Variants in PCLO observed in about 807,000 individuals in gnomAD.
The protein encoded by PCLO is protein piccolo.
PCLO carries 82 observed loss-of-function variants against 427.5 expected under a neutral mutation model. That is an observed-to-expected ratio of 0.19 (90% CI 0.16 to 0.23). The LOEUF (loss-of-function observed/expected upper bound fraction) is 0.23, where lower values mean the gene tolerates loss of function less well. PCLO is among the 10% of genes least tolerant of loss of function. The pLI is 1.00. For synonymous variants in PCLO, 2,357 were observed against 2,155.4 expected (o/e 1.09, Z -2.59); for missense variants, 6,239 against 6,115.9 (o/e 1.02, Z -0.67).
intron 3 of PCLO, among the ~76,000 whole-genome samples, chr7:83,043,912 C>CTTTTTTTTTTTTTTTTTATTTTTTTTT (rs1789034405): frequency 1.1e-5 from 1 of 94,910 alleles, no homozygotes; most frequent in Non-Finnish European, 2.0e-5. Flanking sequence ...CTATTATTTT[C>CTTTTTTTTTTTTTTTTTATTTTTTTTT]TTTTTTTTTT....
chr7:82,846,658 A>G (rs1792511034), intron 11 of PCLO, 24 bp from the exon 12 acceptor site: 3 of 1,491,836 alleles, frequency 2.0e-6, no homozygotes, highest in Non-Finnish European at 2.8e-6. Flanking sequence ...CAAAACATTA[A>G]GAAAGATATT....
chr7:82,829,944 A>G (rs1260882785), intron 16 of PCLO, among the ~76,000 whole-genome samples: 2 of 152,064 alleles, frequency 1.3e-5, no homozygotes, highest in East Asian at 3.9e-4. Context: ...TACATCTTGA[A>G]AAAAGTTTTG....
chr7:83,022,109 A>T (rs1003120268), intron 3 of PCLO, among the ~76,000 whole-genome samples: 1 of 151,950 alleles, frequency 6.6e-6, no homozygotes, highest in South Asian at 2.1e-4. Flanking sequence ...ATGAGGGAGG[A>T]GCCCTCATGA....
At position 82,905,040 on chromosome 7, in the gene PCLO, C is replaced by T. The variant is rs763505165; in HGVS notation, c.13438-2299G>A. Among the ~76,000 whole-genome samples, 20 of 151,980 alleles carry T rather than the reference C, an allele frequency of 1.3e-4. 1 individual carries two copies. Among genetic ancestry groups the T allele is most frequent in the Non-Finnish European group, 2.8e-4 (19 of 67,990 alleles). Reference sequence around the variant, plus strand: ...ACAGAGGGTGAATGTTGAGAGAGTCCTGTAGCAGATGGGGTTACGGGTAGG... The same window carrying T: ...ACAGAGGGTGAATGTTGAGAGAGTCTTGTAGCAGATGGGGTTACGGGTAGG... On this transcript the variant is annotated intron_variant, in intron 8 of 24. Coordinates refer to ENST00000333891, the MANE Select transcript of PCLO (RefSeq NM_033026.6).
intron 3 of PCLO, among the ~76,000 whole-genome samples, chr7:83,038,352 G>A (rs1406719556): frequency 1.3e-5 from 2 of 151,004 alleles, no homozygotes; most frequent in Non-Finnish European, 3.0e-5. Flanking sequence ...GCTCCATAAC[G>A]TTTAGTTATC....
At chr7:82,961,554 C>T (rs960823430) in intron 4 of PCLO, among the ~76,000 whole-genome samples, 6 of 152,150 alleles carry the variant, frequency 3.9e-5, no homozygotes, top group African/African-American at 1.4e-4. Context: ...ATGCAAAGTG[C>T]TTCAGTGGAA....
At chr7:82,845,581 TA>T in intron 12 of PCLO, 96 bp from the exon 13 acceptor site, 1 of 770,652 alleles carries the variant, frequency 1.3e-6, no homozygotes, top group Non-Finnish European at 2.2e-6. Flanking sequence ...GGTAAAACAT[TA>T]CCTATAAAAT....
chr7:82,880,389 T>C (rs1359864567), intron 9 of PCLO: 3 of 406,568 alleles, frequency 7.4e-6, no homozygotes, highest in East Asian at 7.3e-5. Flanking sequence ...TGACAAATAA[T>C]GAAATATTTG....
In PCLO at chr7:82,914,805, G is replaced by T; in HGVS notation, c.13181C>A (p.Ser4394Ter). 6.2e-7 allele frequency: 1 copy of T among 1,613,430 alleles called. No homozygotes were observed. The highest frequency in any genetic ancestry group is 8.5e-7 in the Non-Finnish European group (1 of 1,179,704). Reference protein sequence around the residue: ...ISADTRDQFGSSHSLPEVQQH... With the variant: ...ISADTRDQFG ...CTGAACTTCAGGCAATGAGTGGCTT[G>T]ATCCAAACTGATCCCTGGTGTCTGC... is the stretch of plus-strand genomic sequence containing the variant. Residue 4394 changes from serine (S) to a stop codon, truncating the protein, a stop_gained, in exon 7 of 25, where the codon TCA becomes TAA. Coordinates refer to ENST00000333891, the MANE Select transcript of PCLO (RefSeq NM_033026.6). LOFTEE classifies it high-confidence loss of function.
At chr7:82,809,630 C>G (rs1162364317) in intron 20 of PCLO, among the ~76,000 whole-genome samples, 2 of 126,992 alleles carry the variant, frequency 1.6e-5, no homozygotes, top group Non-Finnish European at 3.4e-5. Context: ...ATTAATACTT[C>G]TTTCCTTTAA....
intron 10 of PCLO, among the ~76,000 whole-genome samples, chr7:82,866,721 G>T (rs2115953052): frequency 6.6e-6 from 1 of 150,730 alleles, no homozygotes. Context: ...ATTTCTTGAG[G>T]ACTGAAGTAA....
intron 3 of PCLO, among the ~76,000 whole-genome samples, chr7:83,113,524 A>C (rs1200658827): frequency 6.6e-6 from 1 of 152,226 alleles, no homozygotes; most frequent in Non-Finnish European, 1.5e-5. Context: ...CAAGGTAGGA[A>C]GCTGGTTAAA....
At position 82,951,073 on chromosome 7, in the gene PCLO, G is replaced by A. The variant is rs772303643; in HGVS notation, c.9515C>T (p.Ser3172Phe). Reference sequence around the variant, plus strand: ...AGAGTCTATCGTCTCAGCAGTAAGAGACTCCATAGTAATAGTTTGCAAACT... The same window carrying A: ...AGAGTCTATCGTCTCAGCAGTAAGAAACTCCATAGTAATAGTTTGCAAACT... ...SASLQTITME[S>F]LTAETIDSVP... Residue 3172 changes from serine to phenylalanine, a missense_variant, in exon 6 of 25, where the codon TCT becomes TTT. By Grantham distance (155) the Ser-to-Phe change is radical. Transcript: ENST00000333891. 1 of 1,613,884 alleles carries A rather than the reference G, an allele frequency of 6.2e-7. No individual in the cohort carries two copies. The highest frequency in any genetic ancestry group is 8.5e-7 in the Non-Finnish European group (1 of 1,179,834).
intron 3 of PCLO, among the ~76,000 whole-genome samples, chr7:83,060,370 A>G (rs1248650655): frequency 6.6e-6 from 1 of 152,130 alleles, no homozygotes; most frequent in Non-Finnish European, 1.5e-5. Context: ...CTGCTCTGCC[A>G]AAAATGCCAC....
intron 3 of PCLO, among the ~76,000 whole-genome samples, chr7:82,973,097 C>T (rs1795941296): frequency 1.3e-5 from 2 of 152,030 alleles, no homozygotes; most frequent in South Asian, 4.1e-4. Flanking sequence ...TTGACACATT[C>T]TTTTTCCAGA....
At chr7:82,941,326 A>G (rs968459704) in intron 6 of PCLO, among the ~76,000 whole-genome samples, 6 of 152,150 alleles carry the variant, frequency 3.9e-5, no homozygotes, top group African/African-American at 1.4e-4. Flanking sequence ...AACTTAAAAC[A>G]TTTAGTAAAA....
chr7:82,919,457 G>A (rs1245883033), intron 6 of PCLO, among the ~76,000 whole-genome samples: 1 of 151,888 alleles, frequency 6.6e-6, no homozygotes, highest in Non-Finnish European at 1.5e-5. Flanking sequence ...GGTGAGATCT[G>A]TTTCATTCAA....
intron 9 of PCLO, among the ~76,000 whole-genome samples, chr7:82,893,158 G>A (rs1170135221): frequency 6.6e-6 from 1 of 152,030 alleles, no homozygotes; most frequent in African/African-American, 2.4e-5. Flanking sequence ...CAATAGCAAA[G>A]ACTTGGAACC....
rs140213164 is a variant in PCLO, at chr7:82,936,070, T to C, written c.11112+13406A>G. 4.2e-4 allele frequency among the ~76,000 whole-genome samples: 63 copies of C among 151,766 alleles called. 1 individual carries two copies. Among genetic ancestry groups the C allele is most frequent in the Admixed American group, 5.3e-4 (8 of 15,196 alleles). On this transcript the variant is annotated intron_variant, in intron 6 of 24. Coordinates refer to ENST00000333891, the MANE Select transcript of PCLO (RefSeq NM_033026.6). ...AGAACTTGAACAACACTGTAAACAG[T>C]AGACCTCGTAGATACATATAGAACA...
Sources: gnomAD v4.1 joint callset for allele counts (sites outside exome capture counted in the v4.1 genomes callset) on GRCh38, gnomAD v4.1.1 for gene constraint, MANE v1.5 for transcripts, NCBI Gene and HGNC (gene_info 2026-07-23, HGNC 2026-07-21) for gene names.